The following TPD52 variants were observed in gnomAD, a reference collection of about 807,000 sequenced individuals.
TPD52 encodes prostate and colon associated protein.
Under a neutral mutation model 31.3 loss-of-function variants are expected in TPD52, and 17 were observed. The ratio of observed to expected loss-of-function variants is 0.54; its 90% CI spans 0.37 to 0.82. TPD52 has a LOEUF of 0.82. Ranked by LOEUF, TPD52 falls within the 40% of genes least tolerant of loss-of-function variation. The probability of loss-of-function intolerance (pLI) is 0.00; values close to 1 mark genes in which losing one functional copy is unlikely to be tolerated. For missense variants in TPD52, 212 were observed against 240.1 expected (o/e 0.88, Z 0.77); for synonymous variants, 83 against 89.6 (o/e 0.93, Z 0.42).
At chr8:80,118,366 T>C (rs1220552292) in intron 1 of TPD52, among the ~76,000 whole-genome samples, 3 of 152,174 alleles carry the variant, frequency 2.0e-5, no homozygotes, top group African/African-American at 7.2e-5. Context: ...GATATAACTC[T>C]ACATTGGATC....
chr8:80,099,580 G>A (rs538042330), intron 1 of TPD52, among the ~76,000 whole-genome samples: 174 of 147,716 alleles, frequency 1.2e-3, no homozygotes, highest in African/African-American at 4.0e-3. Context: ...GTGTGATCTC[G>A]GCTCACTGCA....
chr8:80,095,268 A>T (rs773610173), intron 1 of TPD52, among the ~76,000 whole-genome samples: 2 of 152,226 alleles, frequency 1.3e-5, no homozygotes, highest in Non-Finnish European at 2.9e-5. Context: ...GCCAATCTGA[A>T]AAGCCAAAAT....
intron 5 of TPD52, among the ~76,000 whole-genome samples, chr8:80,045,090 C>G (rs1380048465): frequency 1.3e-5 from 2 of 152,132 alleles, no homozygotes; most frequent in Non-Finnish European, 2.9e-5. Flanking sequence ...ATTTAAACAC[C>G]TCTGTACTTG....
At chr8:80,122,646 T>C (rs1586342601) in intron 1 of TPD52, among the ~76,000 whole-genome samples, 1 of 152,174 alleles carries the variant, frequency 6.6e-6, no homozygotes, top group Non-Finnish European at 1.5e-5. Context: ...ATCAAACTGA[T>C]GCTGATCTCA....
chr8:80,061,224 C>T (rs1480312393), intron 2 of TPD52, among the ~76,000 whole-genome samples: 5 of 151,706 alleles, frequency 3.3e-5, no homozygotes, highest in Admixed American at 6.6e-5. Flanking sequence ...ATTAGCCGGG[C>T]GTAGTGGCAC....
At chr8:80,103,676 T>A (rs1198268068) in intron 1 of TPD52, among the ~76,000 whole-genome samples, 1 of 152,356 alleles carries the variant, frequency 6.6e-6, no homozygotes, top group East Asian at 1.9e-4. Flanking sequence ...TAGACTTAGA[T>A]ACGTGCATTC....
chr8:80,113,268 G>GAA (rs59954096), intron 1 of TPD52, among the ~76,000 whole-genome samples: 1 of 106,108 alleles, frequency 9.4e-6, no homozygotes, highest in Non-Finnish European at 2.2e-5. Flanking sequence ...TTGTCAAAAA[G>GAA]AAAAAAAAAA....
At chr8:80,141,165 G>A (rs7831586) in intron 1 of TPD52, among the ~76,000 whole-genome samples, 98,562 of 151,906 alleles carry the variant, frequency 0.65, 33,628 homozygotes, top group African/African-American at 0.87. Context: ...CATACTCCAT[G>A]CAACTCACGA....
At chr8:80,047,992 TGA>T (rs1811032629) in intron 5 of TPD52, among the ~76,000 whole-genome samples, 1 of 152,196 alleles carries the variant, frequency 6.6e-6, no homozygotes, top group Admixed American at 6.5e-5. Flanking sequence ...CTGACTGCAA[TGA>T]GAAGGTTCTT....
At chr8:80,122,689 A>C (rs1038475498) in intron 1 of TPD52, among the ~76,000 whole-genome samples, 16 of 152,236 alleles carry the variant, frequency 1.1e-4, no homozygotes, top group African/African-American at 3.9e-4. Flanking sequence ...TCCTCTCTCC[A>C]AGAGTGTAAT....
chr8:80,081,163 T>A (rs1815242097), intron 1 of TPD52, among the ~76,000 whole-genome samples: 1 of 148,804 alleles, frequency 6.7e-6, no homozygotes, highest in African/African-American at 2.5e-5. Context: ...TCTCTTTTTT[T>A]TTTTTTTTTT....
chr8:80,146,891 T>C (rs1248826673), intron 1 of TPD52, among the ~76,000 whole-genome samples: 2 of 152,156 alleles, frequency 1.3e-5, no homozygotes, highest in Non-Finnish European at 2.9e-5. Flanking sequence ...AAAAATCCCA[T>C]GCTATATAGC....
chr8:80,164,745 G>T (rs976688815), intron 1 of TPD52, among the ~76,000 whole-genome samples: 6 of 150,016 alleles, frequency 4.0e-5, no homozygotes, highest in Non-Finnish European at 7.4e-5. Context: ...AATTAGCCAG[G>T]CATGCTGGCA....
At chr8:80,032,465 A>C (rs1018973341), downstream of TPD52, among the ~76,000 whole-genome samples, 2 of 152,100 alleles carry the variant, frequency 1.3e-5, no homozygotes, top group Non-Finnish European at 2.9e-5. Flanking sequence ...GCTACTCGGG[A>C]AGCTGAGGAG....
chr8:80,154,858 T>C (rs962211677), intron 1 of TPD52, among the ~76,000 whole-genome samples: 3 of 152,050 alleles, frequency 2.0e-5, no homozygotes, highest in African/African-American at 7.2e-5. Flanking sequence ...CAGAACAAAA[T>C]GTTATATAAT....
rs79712557 is a variant in TPD52 at position 80,053,687 on chromosome 8, A to G, written c.136-257T>C. Among the ~76,000 whole-genome samples the G allele has an allele frequency of 2.1e-3, 326 of 152,004 alleles. 2 individuals carry two copies. The highest frequency in any genetic ancestry group is 7.4e-3 in the African/African-American group (308 of 41,458). ...GTTTTTGGCCTTCTCCTCTCTCCCT[A>G]TACTTCCTTACTCAGCTATCTCATG... On this transcript the variant is annotated intron_variant, in intron 2 of 7. Transcript: ENST00000518937.
intron 1 of TPD52, among the ~76,000 whole-genome samples, chr8:80,096,824 C>T (rs1417450027): frequency 6.6e-6 from 1 of 152,104 alleles, no homozygotes; most frequent in Non-Finnish European, 1.5e-5. Context: ...TGAGACACAA[C>T]AATATGGAAA....
chr8:80,141,932 T>TAA (rs57679341), intron 1 of TPD52, among the ~76,000 whole-genome samples: 4 of 151,230 alleles, frequency 2.6e-5, no homozygotes, highest in East Asian at 1.9e-4. Flanking sequence ...AAAATAAAAA[T>TAA]AAAAAAATAT....
chr8:80,171,135 CAGCCCCTGACGCT>C lies in TPD52; in HGVS notation c.19+277_19+289del, dbSNP rs1812056928. 1.3e-4 allele frequency: 90 copies of C among 684,592 alleles called. 1 individual carries two copies. The South Asian group carries it at 1.3e-3, about 10-fold the overall frequency. The allele number at this position is 684,592 out of a possible 1,614,324, so 42.4% of individuals were successfully genotyped here. On this transcript the variant is annotated intron_variant, in intron 1 of 7. Transcript: ENST00000518937. ...TCCACCCAAAGCGCATCACGGCCGC[CAGCCCCTGACGCT>C]AGCCCCTTCGCCACCTCCCAGAACC...
Sources: allele counts gnomAD v4.1 joint callset (sites outside exome capture counted in the v4.1 genomes callset), GRCh38; gene constraint gnomAD v4.1.1; transcripts MANE v1.5; gene names NCBI Gene and HGNC (gene_info 2026-07-23, HGNC 2026-07-21).